The following TRABD2B variants were observed in gnomAD, a reference collection of about 807,000 sequenced individuals.
The protein encoded by TRABD2B is TraB domain containing 2B, also known as metalloprotease TIKI2.
In TRABD2B, 14 loss-of-function variants were observed where a neutral mutation model predicts 40.1. The observed-to-expected ratio is 0.35, with a 90% confidence interval of 0.23 to 0.55. TRABD2B has a LOEUF of 0.55. Among genes scored for constraint, TRABD2B ranks in the 20% least tolerant of loss-of-function variants. The probability of loss-of-function intolerance (pLI) is 0.90; values close to 1 mark genes in which losing one functional copy is unlikely to be tolerated. For missense variants in TRABD2B, 541 were observed against 648.6 expected (o/e 0.83, Z 1.80); for synonymous variants, 263 against 277.0 (o/e 0.95, Z 0.50).
chr1:47,831,872 C>T (rs1461442022), intron 2 of TRABD2B, among the ~76,000 whole-genome samples: 1 of 152,136 alleles, frequency 6.6e-6, no homozygotes, highest in Non-Finnish European at 1.5e-5. Flanking sequence ...TTTACTTGAA[C>T]TTTGGAAGAC....
chr1:47,866,010 A>G (rs1644051278), intron 2 of TRABD2B, among the ~76,000 whole-genome samples: 2 of 151,500 alleles, frequency 1.3e-5, no homozygotes, highest in African/African-American at 2.4e-5. Context: ...AAGTCTGAAC[A>G]TAAGGCTCTA....
At chr1:47,961,015 T>C (rs969190953) in intron 2 of TRABD2B, among the ~76,000 whole-genome samples, 1 of 152,018 alleles carries the variant, frequency 6.6e-6, no homozygotes, top group Non-Finnish European at 1.5e-5. Context: ...AAAACAGACA[T>C]ATAGACCAAT....
rs547324124 is a variant in TRABD2B, at chr1:47,801,680, G to C, written c.667-61C>G. The C allele has an allele frequency of 1.7e-5, 26 of 1,502,426 alleles. No individual in the cohort carries two copies. The South Asian group carries it at 2.7e-4, about 16-fold the overall frequency. The allele number at this position is 1,502,426 out of a possible 1,614,324, so 93.1% of individuals were successfully genotyped here. A position where few individuals can be genotyped will look rare whatever the true frequency, so the allele number is the denominator to read the frequency against. On this transcript the variant is annotated intron_variant, in intron 2 of 6. Transcript: ENST00000606738. ...CTCAGGGACCCTGGCTGAGCTCTAGGACTGACCCTCCTCCCTCTGGACTTC... is the reference window on the plus strand; with the variant it reads ...CTCAGGGACCCTGGCTGAGCTCTAGCACTGACCCTCCTCCCTCTGGACTTC...
chr1:47,880,002 G>C (rs1033251755), intron 2 of TRABD2B, among the ~76,000 whole-genome samples: 2 of 152,242 alleles, frequency 1.3e-5, no homozygotes, highest in Non-Finnish European at 2.9e-5. Context: ...CTAGGAGAGA[G>C]GAGGCTCCTT....
chr1:47,877,903 G>T (rs921834664), intron 2 of TRABD2B, among the ~76,000 whole-genome samples: 1 of 151,212 alleles, frequency 6.6e-6, no homozygotes, highest in Non-Finnish European at 1.5e-5. Context: ...GAGGCAGGAG[G>T]ATCACTTGAA....
intron 2 of TRABD2B, among the ~76,000 whole-genome samples, chr1:47,954,121 G>T (rs56745191): frequency 0.014 from 2,114 of 152,286 alleles, 50 homozygotes; most frequent in African/African-American, 0.048. Context: ...AGGCCAGTGA[G>T]GGTCACTACA....
intron 2 of TRABD2B, among the ~76,000 whole-genome samples, chr1:47,882,853 G>A (rs1248529427): frequency 6.6e-6 from 1 of 152,104 alleles, no homozygotes; most frequent in Non-Finnish European, 1.5e-5. Context: ...GGCACCTGGA[G>A]GGGCAAAGCA....
intron 2 of TRABD2B, among the ~76,000 whole-genome samples, chr1:47,912,136 T>C (rs1382249918): frequency 6.6e-6 from 1 of 152,222 alleles, no homozygotes; most frequent in Non-Finnish European, 1.5e-5. Context: ...GAAAACAAAC[T>C]TCCCTGAATG....
chr1:47,770,095 C>T (rs973904253), intron 6 of TRABD2B, among the ~76,000 whole-genome samples: 3 of 152,186 alleles, frequency 2.0e-5, no homozygotes, highest in African/African-American at 7.2e-5. Context: ...ATCTGGGCAT[C>T]CCAAGCCTTC....
At chr1:47,835,269 T>A (rs1246052894) in intron 2 of TRABD2B, among the ~76,000 whole-genome samples, 1 of 151,964 alleles carries the variant, frequency 6.6e-6, no homozygotes, top group South Asian at 2.1e-4. Context: ...TAAAATAATT[T>A]AAAAAATGAA....
intron 2 of TRABD2B, among the ~76,000 whole-genome samples, chr1:47,817,863 C>G (rs922656618): frequency 1.3e-5 from 2 of 152,220 alleles, no homozygotes; most frequent in Non-Finnish European, 2.9e-5. Flanking sequence ...CCTGGGAGGT[C>G]AGCAAGCCTG....
intron 2 of TRABD2B, among the ~76,000 whole-genome samples, chr1:47,811,808 G>A (rs1032685823): frequency 2.6e-5 from 4 of 152,214 alleles, no homozygotes; most frequent in Non-Finnish European, 5.9e-5. Context: ...CCCACTCTCT[G>A]GGCCACAGGG....
At chr1:47,962,630 T>C (rs558303962) in intron 2 of TRABD2B, among the ~76,000 whole-genome samples, 1 of 152,348 alleles carries the variant, frequency 6.6e-6, no homozygotes, top group East Asian at 1.9e-4. Context: ...GATTGATTCA[T>C]TTAGGCTTCA....
intron 2 of TRABD2B, among the ~76,000 whole-genome samples, chr1:47,927,355 C>A (rs1312442638): frequency 6.6e-6 from 1 of 152,252 alleles, no homozygotes; most frequent in Non-Finnish European, 1.5e-5. Context: ...ATCCACTCTT[C>A]CGGTGCCTTC....
intron 2 of TRABD2B, among the ~76,000 whole-genome samples, chr1:47,871,476 A>G (rs1259751493): frequency 1.3e-5 from 2 of 152,204 alleles, no homozygotes; most frequent in Admixed American, 1.3e-4. Context: ...TACACACTGC[A>G]TGCCTACTGA....
chr1:47,919,918 T>C (rs1410245721), intron 2 of TRABD2B, among the ~76,000 whole-genome samples: 1 of 152,180 alleles, frequency 6.6e-6, no homozygotes, highest in Non-Finnish European at 1.5e-5. Flanking sequence ...AGAGGGCTCC[T>C]GGATGTCGCA....
intron 2 of TRABD2B, among the ~76,000 whole-genome samples, chr1:47,974,873 T>C (rs555292152): frequency 2.0e-5 from 3 of 152,340 alleles, no homozygotes; most frequent in Non-Finnish European, 2.9e-5. Context: ...ACCTTTGATA[T>C]GATGTGAGGA....
rs535180397 is a variant in TRABD2B, at chr1:47,898,724, G to A, written c.666+95310C>T. Among the ~76,000 whole-genome samples, 43 of 152,290 alleles carry A rather than the reference G, an allele frequency of 2.8e-4. 1 individual carries two copies. The highest frequency in any genetic ancestry group is 6.8e-3 in the Middle Eastern group (2 of 294). On this transcript the variant is annotated intron_variant, in intron 2 of 6. Transcript: ENST00000606738. The stretch of plus-strand genomic sequence containing the variant: ...AATATTCATGTTTTGCTGCACAAAT[G>A]TTAATGTATTTGATTAAGAATGCTG...
chr1:47,933,298 G>T (rs770100668), intron 2 of TRABD2B, among the ~76,000 whole-genome samples: 1 of 151,388 alleles, frequency 6.6e-6, no homozygotes, highest in Non-Finnish European at 1.5e-5. Flanking sequence ...TTTTTTAGTA[G>T]AGACGGGGTT....
Sources: gnomAD v4.1 joint callset for allele counts (sites outside exome capture counted in the v4.1 genomes callset) on GRCh38, gnomAD v4.1.1 for gene constraint, MANE v1.5 for transcripts, NCBI Gene and HGNC (gene_info 2026-07-23, HGNC 2026-07-21) for gene names.